The following DPP10 variants were observed in gnomAD, a reference collection of about 807,000 sequenced individuals.
DPP10 encodes the protein inactive dipeptidyl peptidase 10.
DPP10 carries 33 observed loss-of-function variants against 120.9 expected under a neutral mutation model. The observed-to-expected ratio is 0.27, with a 90% CI of 0.21 to 0.37. The LOEUF (loss-of-function observed/expected upper bound fraction) is 0.37, where lower values mean the gene tolerates loss of function less well. Among genes scored for constraint, DPP10 ranks in the 10% least tolerant of loss-of-function variants. The pLI is 1.00. For missense variants in DPP10, 816 were observed against 942.8 expected (o/e 0.87, Z 1.76); for synonymous variants, 337 against 326.1 (o/e 1.03, Z -0.36).
At chr2:114,813,718 T>A (rs1039697713) in intron 1 of DPP10, among the ~76,000 whole-genome samples, 4 of 131,118 alleles carry the variant, frequency 3.1e-5, no homozygotes, top group African/African-American at 1.6e-4. Flanking sequence ...GGAATTAAAT[T>A]TTTTTTTTTT....
At chr2:115,786,011 G>A (rs762448148) in intron 17 of DPP10, among the ~76,000 whole-genome samples, 8 of 151,950 alleles carry the variant, frequency 5.3e-5, no homozygotes, top group Non-Finnish European at 7.4e-5. Context: ...TTTTAAACAT[G>A]TAAAAAACCT....
At chr2:114,740,559 G>A (rs1034507086) in intron 1 of DPP10, among the ~76,000 whole-genome samples, 1 of 151,948 alleles carries the variant, frequency 6.6e-6, no homozygotes, top group South Asian at 2.1e-4. Context: ...TTGCTCCCTA[G>A]ATATTCAGAG....
rs1689512353 is a variant in DPP10, at chr2:115,836,237, C to T, written c.2031C>T (p.Ile677=). The T allele has an allele frequency of 6.2e-7, 1 of 1,607,410 alleles. No individual in the cohort carries two copies. The highest frequency in any genetic ancestry group is 1.1e-5 in the South Asian group (1 of 89,496). Residue 677 remains isoleucine, a synonymous_variant, in exon 22 of 26, where the codon ATC becomes ATT. Coordinates refer to ENST00000410059, the MANE Select transcript of DPP10 (RefSeq NM_020868.6). The part of the protein sequence containing the change: ...LFKCGSVVAP[I]TDLKLYASAF... ...AATGTGGATCCGTGGTTGCACCTAT[C>T]ACAGACTTGAAATTGTATGGTGAGT...
chr2:114,807,049 C>T (rs1489098268), intron 1 of DPP10, among the ~76,000 whole-genome samples: 1 of 152,130 alleles, frequency 6.6e-6, no homozygotes, highest in Non-Finnish European at 1.5e-5. Flanking sequence ...ACAGAATGAT[C>T]TTTTCTTAAA....
intron 3 of DPP10, among the ~76,000 whole-genome samples, chr2:115,355,081 G>A (rs1023197531): frequency 1.3e-4 from 20 of 152,092 alleles, no homozygotes; most frequent in African/African-American, 4.6e-4. Flanking sequence ...TGGGATTGCT[G>A]GGTCAAAGGT....
At chr2:115,014,110 C>A (rs1294065012) in intron 1 of DPP10, among the ~76,000 whole-genome samples, 1 of 152,154 alleles carries the variant, frequency 6.6e-6, no homozygotes, top group East Asian at 1.9e-4. Flanking sequence ...CATTCCTCAG[C>A]AAATGCAGAA....
At chr2:114,629,293 A>G (rs1694745443) in intron 1 of DPP10, among the ~76,000 whole-genome samples, 1 of 152,190 alleles carries the variant, frequency 6.6e-6, no homozygotes, top group African/African-American at 2.4e-5. Context: ...ACAGTTGCTA[A>G]CACACTGCTA....
chr2:114,762,530 T>C (rs758089348), intron 1 of DPP10, among the ~76,000 whole-genome samples: 1 of 152,154 alleles, frequency 6.6e-6, no homozygotes, highest in Non-Finnish European at 1.5e-5. Context: ...TGCTTTTGAG[T>C]AGTCCCATGG....
In DPP10 at chr2:114,982,689, G is replaced by A. The variant is rs981885226; in HGVS notation, c.61-326550G>A. Among the ~76,000 whole-genome samples, 41 of 150,190 alleles carry A rather than the reference G, an allele frequency of 2.7e-4. 1 individual carries two copies. The highest frequency in any genetic ancestry group is 1.8e-3 in the Admixed American group (27 of 15,092). On this transcript the variant is annotated intron_variant, in intron 1 of 25. Transcript: ENST00000410059. ...CATCGTGGCTCCCTGCAGCCTCTAC[G>A]TCCCAGGCTCAATCCATCCTCCCAC...
intron 3 of DPP10, among the ~76,000 whole-genome samples, chr2:115,440,598 G>A (rs952438390): frequency 1.3e-5 from 2 of 152,228 alleles, no homozygotes; most frequent in Non-Finnish European, 2.9e-5. Flanking sequence ...CGGCCCCGAG[G>A]AAGGGGCTTG....
At chr2:115,299,775 T>C (rs2061043492) in intron 1 of DPP10, among the ~76,000 whole-genome samples, 1 of 152,046 alleles carries the variant, frequency 6.6e-6, no homozygotes, top group Non-Finnish European at 1.5e-5. Flanking sequence ...ATAACTGATA[T>C]CCACAGATAT....
intron 3 of DPP10, among the ~76,000 whole-genome samples, chr2:115,408,805 G>C (rs951993066): frequency 6.6e-6 from 1 of 152,060 alleles, no homozygotes; most frequent in East Asian, 1.9e-4. Context: ...GATGGAATGT[G>C]GGTAAGCTAG....
intron 4 of DPP10, among the ~76,000 whole-genome samples, chr2:115,507,053 CACAG>C (rs1198185499): frequency 1.3e-5 from 2 of 151,776 alleles, no homozygotes; most frequent in Non-Finnish European, 2.9e-5. Flanking sequence ...CACACACACA[CACAG>C]ACACACACAC....
intron 1 of DPP10, among the ~76,000 whole-genome samples, chr2:115,167,330 G>A (rs1312726884): frequency 1.3e-5 from 2 of 151,468 alleles, no homozygotes; most frequent in African/African-American, 4.9e-5. Context: ...GGGAGGCTGA[G>A]ATAGATGGAT....
At chr2:114,893,508 A>G (rs1289391610) in intron 1 of DPP10, among the ~76,000 whole-genome samples, 1 of 152,144 alleles carries the variant, frequency 6.6e-6, no homozygotes, top group African/African-American at 2.4e-5. Flanking sequence ...AAAATAGCAG[A>G]ACAGGTATAC....
intron 1 of DPP10, among the ~76,000 whole-genome samples, chr2:114,546,090 A>T (rs545510386): frequency 1.3e-5 from 2 of 152,268 alleles, no homozygotes; most frequent in African/African-American, 4.8e-5. Context: ...CTTGAGAGTC[A>T]TAATTCAGCA....
In DPP10 at chr2:115,079,027, G is replaced by A. The variant is rs1002872462; in HGVS notation, c.61-230212G>A. 2.0e-5 allele frequency among the ~76,000 whole-genome samples: 3 copies of A among 152,200 alleles called. No homozygotes were observed. The East Asian group carries it at 5.8e-4, about 29-fold the overall frequency. ...TTCAATAATTTAACATTCACACACA[G>A]ACACACACACTTGAGTCCACGCTTG... On this transcript the variant is annotated intron_variant, in intron 1 of 25. Coordinates refer to ENST00000410059, the MANE Select transcript of DPP10 (RefSeq NM_020868.6).
At chr2:115,472,983 C>T (rs2074831883) in intron 3 of DPP10, among the ~76,000 whole-genome samples, 1 of 152,156 alleles carries the variant, frequency 6.6e-6, no homozygotes, top group African/African-American at 2.4e-5. Flanking sequence ...CCCCTACAGA[C>T]AGTAGAATAT....
intron 1 of DPP10, among the ~76,000 whole-genome samples, chr2:115,044,642 T>C (rs2105316418): frequency 6.6e-6 from 1 of 152,194 alleles, no homozygotes; most frequent in African/African-American, 2.4e-5. Flanking sequence ...CAACATGAGA[T>C]TTTGGGGAGA....
Sources: allele counts gnomAD v4.1 joint callset (sites outside exome capture counted in the v4.1 genomes callset), GRCh38; gene constraint gnomAD v4.1.1; transcripts MANE v1.5; gene names NCBI Gene and HGNC (gene_info 2026-07-23, HGNC 2026-07-21).